ZFPM1: variants seen among roughly 807,000 people sequenced by gnomAD.
The protein encoded by ZFPM1 is zinc finger protein, FOG family member 1.
ZFPM1 carries 28 observed loss-of-function variants against 46.3 expected under a neutral mutation model. The observed-to-expected ratio is 0.60, with a 90% confidence interval of 0.45 to 0.83. The LOEUF (loss-of-function observed/expected upper bound fraction) is 0.83, where lower values mean the gene tolerates loss of function less well. Ranked by LOEUF, ZFPM1 falls within the 40% of genes least tolerant of loss-of-function variation. The probability of loss-of-function intolerance (pLI) is 0.00; values close to 1 mark genes in which losing one functional copy is unlikely to be tolerated. For missense variants in ZFPM1, 1,878 were observed against 1,432.4 expected (o/e 1.31, Z -5.02); for synonymous variants, 957 against 675.9 (o/e 1.42, Z -6.45).
At chr16:88,481,690 C>T (rs59210858) in intron 1 of ZFPM1, among the ~76,000 whole-genome samples, 422 of 152,212 alleles carry the variant, frequency 2.8e-3, no homozygotes, top group African/African-American at 9.8e-3. Flanking sequence ...CCTGCACTTT[C>T]CTGACCGCCC....
chr16:88,495,003 C>T (rs1180461429), intron 3 of ZFPM1, among the ~76,000 whole-genome samples: 1 of 152,234 alleles, frequency 6.6e-6, no homozygotes, highest in Non-Finnish European at 1.5e-5. Flanking sequence ...AATGGCTAAG[C>T]CATAATCTAT....
At chr16:88,482,883 C>T (rs1597240343) in intron 1 of ZFPM1, among the ~76,000 whole-genome samples, 1 of 152,226 alleles carries the variant, frequency 6.6e-6, no homozygotes, top group Non-Finnish European at 1.5e-5. Flanking sequence ...GGCCGAGCAC[C>T]TCCTGACCTT....
chr16:88,484,518 G>GC (rs1303235179), intron 1 of ZFPM1, among the ~76,000 whole-genome samples: 2 of 152,210 alleles, frequency 1.3e-5, no homozygotes, highest in African/African-American at 4.8e-5. Context: ...GGGCTTGGCG[G>GC]CCGCAGGACC....
rs372031305 is a variant in ZFPM1, at chr16:88,479,899, C to T, written c.41-6040C>T. Among the ~76,000 whole-genome samples, 51 of 145,238 alleles carry T rather than the reference C, an allele frequency of 3.5e-4. No homozygotes were observed. The East Asian group carries it at 9.0e-3, about 26-fold the overall frequency. On this transcript the variant is annotated intron_variant, in intron 1 of 9. Coordinates refer to ENST00000319555, the MANE Select transcript of ZFPM1 (RefSeq NM_153813.3). ...GCAGTACTTCCTCCCCCAGCCCTGG[C>T]CTTCACCCACTCACACCCCCCGCCG...
chr16:88,470,883 G>A (rs1908382730), intron 1 of ZFPM1, among the ~76,000 whole-genome samples: 1 of 152,056 alleles, frequency 6.6e-6, no homozygotes, highest in Non-Finnish European at 1.5e-5. Flanking sequence ...GTGGCATAGG[G>A]AAACACATCC....
At position 88,534,070 on chromosome 16, in the gene ZFPM1, C is replaced by T. The variant is rs868822214; in HGVS notation, c.2112C>T (p.Tyr704=). Reference sequence around the variant, plus strand: ...AGACCTACACCGTGCACAAGCGGTACTACTGCGCCTCGCGCCACGACCCGC... The same window carrying T: ...AGACCTACACCGTGCACAAGCGGTATTACTGCGCCTCGCGCCACGACCCGC... ...RHETYTVHKR[Y]YCASRHDPPP... The change falls in exon 10 of 10, where the codon TAC becomes TAT. Residue 704 remains tyrosine (Y), a synonymous_variant. Transcript: ENST00000319555. The T allele has an allele frequency of 3.3e-5, 42 of 1,256,340 alleles. No individual in the cohort carries two copies. Among genetic ancestry groups the T allele is most frequent in the Non-Finnish European group, 4.2e-5 (41 of 978,128 alleles). The allele number at this position is 1,256,340 out of a possible 1,614,324, so 77.8% of individuals were successfully genotyped here.
At chr16:88,490,233 G>T (rs1012281902) in intron 3 of ZFPM1, among the ~76,000 whole-genome samples, 15 of 151,960 alleles carry the variant, frequency 9.9e-5, no homozygotes, top group African/African-American at 3.1e-4. Context: ...TTTCTATTTT[G>T]AGGAGAGACG....
At position 88,536,422 on chromosome 16, in the gene ZFPM1, C is replaced by T. The variant is rs1268683738; in HGVS notation, c.*1443C>T. The stretch of plus-strand genomic sequence containing the variant: ...CTCCTGACCTCCAGTGCTCCTGCAG[C>T]CTCAGCCTCCCAGAACATTAGGATG... On this transcript the variant is annotated 3_prime_UTR_variant, in exon 10 of 10. Transcript: ENST00000319555. 6.6e-6 allele frequency: 1 copy of T among 152,236 alleles called. No individual in the cohort carries two copies. Among genetic ancestry groups the T allele is most frequent in the Non-Finnish European group, 1.5e-5 (1 of 68,032 alleles). The allele number at this position is 152,236 out of a possible 1,614,324, so 9.4% of individuals were successfully genotyped here. A position where few individuals can be genotyped will look rare whatever the true frequency, so the allele number is the denominator to read the frequency against.
intron 1 of ZFPM1, among the ~76,000 whole-genome samples, chr16:88,467,318 C>T (rs1908180709): frequency 6.6e-6 from 1 of 152,190 alleles, no homozygotes; most frequent in East Asian, 1.9e-4. Context: ...ATCCCAGAGT[C>T]TCAGGTCTCA....
At chr16:88,521,743 A>ACACCCTGTGCTGTTCCCT (rs1567550814) in intron 4 of ZFPM1, among the ~76,000 whole-genome samples, 9 of 12,692 alleles carry the variant, frequency 7.1e-4, no homozygotes, top group Non-Finnish European at 1.4e-4. Flanking sequence ...TGCTGTTCCC[A>ACACCCTGTGCTGTTCCCT]CACCCTGTGC....
chr16:88,477,438 T>C (rs566350940), intron 1 of ZFPM1, among the ~76,000 whole-genome samples: 49 of 152,356 alleles, frequency 3.2e-4, no homozygotes, highest in Non-Finnish European at 4.7e-4. Context: ...GTTACCACCA[T>C]ACCCATTTCC....
At chr16:88,500,955 C>A (rs371263298) in intron 3 of ZFPM1, among the ~76,000 whole-genome samples, 1 of 152,120 alleles carries the variant, frequency 6.6e-6, no homozygotes. Context: ...GCAGCCTTGG[C>A]TGGGGATATG....
intron 3 of ZFPM1, chr16:88,513,184 A>T (rs1911074713): frequency 6.6e-6 from 1 of 151,992 alleles, no homozygotes. Context: ...GGCAGCCCTG[A>T]AGCTGAGACG....
intron 1 of ZFPM1, among the ~76,000 whole-genome samples, chr16:88,485,506 C>G (rs888590122): frequency 1.3e-5 from 2 of 150,598 alleles, no homozygotes; most frequent in Admixed American, 6.6e-5. Context: ...GCGGTGCAAT[C>G]GCGGCTCACT....
intron 3 of ZFPM1, among the ~76,000 whole-genome samples, chr16:88,511,368 G>A (rs547051160): frequency 4.6e-5 from 7 of 152,228 alleles, no homozygotes; most frequent in African/African-American, 1.7e-4. Flanking sequence ...AGCCTCGCCG[G>A]GCCCCAGGCT....
chr16:88,524,218 G>C (rs1050626100), intron 4 of ZFPM1, among the ~76,000 whole-genome samples: 1 of 152,186 alleles, frequency 6.6e-6, no homozygotes, highest in South Asian at 2.1e-4. Context: ...AGGCCAGGGT[G>C]GGGAGGGCCA....
chr16:88,482,345 C>A (rs1209579387), intron 1 of ZFPM1, among the ~76,000 whole-genome samples: 2 of 152,162 alleles, frequency 1.3e-5, no homozygotes, highest in Non-Finnish European at 2.9e-5. Flanking sequence ...GACACCGAGG[C>A]AGGCCCAGGG....
In ZFPM1 at chr16:88,497,546, C is replaced by T. The variant is rs1175101495; in HGVS notation, c.268+8393C>T. ...GGGCCCGGGCGGGGATGGGGTTCAG[C>T]GGGGTCAGGGCGGGGGCTCAGTGCC... On this transcript the variant is annotated intron_variant, in intron 3 of 9. Transcript: ENST00000319555. The surrounding 1 kb of genome is among the most constrained non-coding windows in gnomAD (Gnocchi z 5.4). 1.0e-5 allele frequency among the ~76,000 whole-genome samples: 1 copy of T among 98,258 alleles called. No individual in the cohort carries two copies. The highest frequency in any genetic ancestry group is 2.1e-5 in the Non-Finnish European group (1 of 47,740). The allele number at this position is 98,258 out of a possible 152,430, so 64.5% of individuals were successfully genotyped here.
intron 4 of ZFPM1, among the ~76,000 whole-genome samples, chr16:88,519,170 T>G (rs1597272547): frequency 1.0e-5 from 1 of 98,080 alleles, no homozygotes; most frequent in Non-Finnish European, 2.0e-5. Context: ...GATGCATGGG[T>G]GGGTGGATGG....
Sources: allele counts gnomAD v4.1 joint callset (sites outside exome capture counted in the v4.1 genomes callset), GRCh38; gene constraint gnomAD v4.1.1; non-coding constraint Gnocchi (gnomAD v3.1); transcripts MANE v1.5; gene names NCBI Gene and HGNC (gene_info 2026-07-23, HGNC 2026-07-21).